The following MACROD1 variants were observed in gnomAD, a reference collection of about 807,000 sequenced individuals.
MACROD1 encodes the protein mono-ADP ribosylhydrolase 1.
Under a neutral mutation model 41.4 loss-of-function variants are expected in MACROD1, and 31 were observed. That is an observed-to-expected ratio of 0.75 (90% CI 0.56 to 1.01). The LOEUF is 1.01. MACROD1 is among the 50% of genes least tolerant of loss of function. The pLI, the probability that MACROD1 is intolerant of heterozygous loss-of-function variation, is 0.00. For missense variants in MACROD1, 473 were observed against 460.0 expected, an observed-to-expected ratio of 1.03 and a Z score of -0.26; for synonymous variants, 252 against 203.4, an observed-to-expected ratio of 1.24 and a Z score of -2.03.
chr11:64,164,768 GC>G (rs1425932094), intron 1 of MACROD1, among the ~76,000 whole-genome samples: 4 of 150,604 alleles, frequency 2.7e-5, no homozygotes, highest in Non-Finnish European at 1.5e-5. Context: ...CGGAGGCCCA[GC>G]CAATTAGCCA....
chr11:64,117,575 C>G (rs556505398), intron 3 of MACROD1: 2 of 1,610,358 alleles, frequency 1.2e-6, no homozygotes, highest in Non-Finnish European at 1.7e-6. Flanking sequence ...GTGATGGCGC[C>G]AAGACCCTGG....
chr11:64,098,942 G>A (rs937028239), intron 3 of MACROD1, among the ~76,000 whole-genome samples: 2 of 152,196 alleles, frequency 1.3e-5, no homozygotes, highest in Non-Finnish European at 2.9e-5. Flanking sequence ...GAAACAGGAG[G>A]GCTAATTGCT....
At chr11:64,154,860 C>T (rs557966568) in intron 1 of MACROD1, among the ~76,000 whole-genome samples, 7 of 152,220 alleles carry the variant, frequency 4.6e-5, no homozygotes, top group Non-Finnish European at 1.0e-4. Flanking sequence ...GCTGGGATTA[C>T]ACGCGTGTGC....
intron 3 of MACROD1, among the ~76,000 whole-genome samples, chr11:64,016,162 G>T (rs947653569): frequency 6.6e-6 from 1 of 152,154 alleles, no homozygotes; most frequent in African/African-American, 2.4e-5. Context: ...CTGTCCGATC[G>T]GCTGCCCCTC....
Position 64,065,074 on chromosome 11 carries a change from C to A in MACROD1, c.518-49793G>T, listed in dbSNP as rs117047674. Among the ~76,000 whole-genome samples the A allele has an allele frequency of 5.2e-3, 791 of 152,288 alleles. 7 individuals carry two copies. The highest frequency in any genetic ancestry group is 8.3e-3 in the Non-Finnish European group (564 of 68,028). ...GAAGCCCAGCAGGGCCCAGCACAGGCACCTGAGCCAGACTCGGCGGCCTCG... is the reference window on the plus strand; with the variant it reads ...GAAGCCCAGCAGGGCCCAGCACAGGAACCTGAGCCAGACTCGGCGGCCTCG... On this transcript the variant is annotated intron_variant, in intron 3 of 10. Coordinates refer to ENST00000255681, the MANE Select transcript of MACROD1 (RefSeq NM_014067.4).
chr11:64,156,885 G>T (rs992495469), intron 1 of MACROD1, among the ~76,000 whole-genome samples: 2 of 152,190 alleles, frequency 1.3e-5, no homozygotes, highest in African/African-American at 4.8e-5. Context: ...CTCACCACCA[G>T]AACAAGGCTG....
intron 3 of MACROD1, among the ~76,000 whole-genome samples, chr11:64,028,322 A>G (rs1231099641): frequency 6.6e-6 from 1 of 152,218 alleles, no homozygotes; most frequent in Non-Finnish European, 1.5e-5. Context: ...GGGACACGAC[A>G]GGACCCTAGC....
chr11:64,132,696 A>G (rs1945282462), intron 3 of MACROD1, among the ~76,000 whole-genome samples: 1 of 152,120 alleles, frequency 6.6e-6, no homozygotes, highest in African/African-American at 2.4e-5. Flanking sequence ...TCTCCTAATG[A>G]ATGTGGCTCT....
chr11:64,095,126 G>A (rs1166282065), intron 3 of MACROD1, among the ~76,000 whole-genome samples: 1 of 152,226 alleles, frequency 6.6e-6, no homozygotes, highest in African/African-American at 2.4e-5. Context: ...AAAGCCAGGC[G>A]TCTGCAAAGA....
In MACROD1 at chr11:64,035,957, G is replaced by T. The variant is rs1354278785; in HGVS notation, c.518-20676C>A. 3 of 147,356 alleles carry T rather than the reference G, an allele frequency of 2.0e-5. No individual in the cohort carries two copies. In the South Asian group the frequency reaches 5.7e-4, roughly 28 times the overall value. The allele number at this position is 147,356 out of a possible 1,614,324, so 9.1% of individuals were successfully genotyped here. A position where few individuals can be genotyped will look rare whatever the true frequency, so the allele number is the denominator to read the frequency against. ...CACTCCTCCCGCGGCTCCGCCGGGC[G>T]CCCGAGCCGGGCAGATGCGCCGCCG... On this transcript the variant is annotated intron_variant, in intron 3 of 10. Coordinates refer to ENST00000255681, the MANE Select transcript of MACROD1 (RefSeq NM_014067.4).
chr11:64,016,879 G>A lies in MACROD1; in HGVS notation c.518-1598C>T, dbSNP rs140469058. Among the ~76,000 whole-genome samples the A allele has an allele frequency of 5.6e-3, 854 of 152,364 alleles. 7 individuals carry two copies. Among genetic ancestry groups the A allele is most frequent in the African/African-American group, 0.02 (814 of 41,580 alleles). On this transcript the variant is annotated intron_variant, in intron 3 of 10. Coordinates refer to ENST00000255681, the MANE Select transcript of MACROD1 (RefSeq NM_014067.4). ...AGCAGGACACGGACCACAATGGGGT[G>A]CCCAGGCTGGCCCAGGACAGGCTGC...
At chr11:64,087,513 C>T (rs1193666079) in intron 3 of MACROD1, among the ~76,000 whole-genome samples, 1 of 152,250 alleles carries the variant, frequency 6.6e-6, no homozygotes, top group East Asian at 1.9e-4. Context: ...CCACCCCTTG[C>T]TGGAGCTCTG....
At chr11:64,013,609 G>A (rs1167958143) in intron 4 of MACROD1, among the ~76,000 whole-genome samples, 1 of 152,242 alleles carries the variant, frequency 6.6e-6, no homozygotes, top group Non-Finnish European at 1.5e-5. Flanking sequence ...AACCCTGGCA[G>A]GGTGGTGGGC....
At chr11:64,101,703 C>G (rs1944674103) in intron 3 of MACROD1, among the ~76,000 whole-genome samples, 1 of 152,206 alleles carries the variant, frequency 6.6e-6, no homozygotes. Flanking sequence ...GCCCTCCCGC[C>G]GCGTGCAGGG....
chr11:64,116,780 C>T lies in MACROD1; in HGVS notation c.517+34459G>A, dbSNP rs141684580. 869 of 1,613,594 alleles carry T rather than the reference C, an allele frequency of 5.4e-4. 3 individuals are homozygous for T. Among genetic ancestry groups the T allele is most frequent in the Non-Finnish European group, 6.9e-4 (809 of 1,180,026 alleles). On this transcript the variant is annotated intron_variant, in intron 3 of 10. Transcript: ENST00000255681. Reference sequence around the variant, plus strand: ...TGTCCACCGTCAGCATTGAGGAGGACGCCTTCGCCGACAGCAAACAGCTCA... The same window carrying T: ...TGTCCACCGTCAGCATTGAGGAGGATGCCTTCGCCGACAGCAAACAGCTCA...
At chr11:64,089,066 C>T (rs1278380806) in intron 3 of MACROD1, among the ~76,000 whole-genome samples, 1 of 152,186 alleles carries the variant, frequency 6.6e-6, no homozygotes, top group African/African-American at 2.4e-5. Flanking sequence ...CGCCGGCTGT[C>T]CTCCCTCCCT....
chr11:64,003,980 C>T (rs492357), intron 4 of MACROD1, among the ~76,000 whole-genome samples: 42,254 of 152,210 alleles, frequency 0.28, 7,541 homozygotes, highest in Non-Finnish European at 0.4. Context: ...CCGTCTCCTT[C>T]GTGGGCTCTC....
intron 3 of MACROD1, among the ~76,000 whole-genome samples, chr11:64,135,600 C>A (rs965911275): frequency 3.9e-5 from 6 of 152,338 alleles, no homozygotes; most frequent in Non-Finnish European, 5.9e-5. Flanking sequence ...CCTATAAAGG[C>A]AATAACATTT....
chr11:63,999,804 G>C (rs764154138), intron 5 of MACROD1, 41 bp from the exon 6 acceptor site: 2 of 1,580,642 alleles, frequency 1.3e-6, no homozygotes, highest in Non-Finnish European at 1.7e-6. Context: ...GGGTCTACGC[G>C]GTCCTCAGCT....
Sources: allele counts gnomAD v4.1 joint callset (sites outside exome capture counted in the v4.1 genomes callset), GRCh38; gene constraint gnomAD v4.1.1; transcripts MANE v1.5; gene names NCBI Gene and HGNC (gene_info 2026-07-23, HGNC 2026-07-21).